The following L3MBTL4 variants were observed in gnomAD, a reference collection of about 807,000 sequenced individuals.
The protein encoded by L3MBTL4 is L3MBTL histone methyl-lysine binding protein 4.
Under a neutral mutation model 84.5 loss-of-function variants are expected in L3MBTL4, and 70 were observed. The observed-to-expected ratio is 0.83, with a 90% CI of 0.68 to 1.01. The LOEUF (loss-of-function observed/expected upper bound fraction) is 1.01. L3MBTL4 is among the 50% of genes least tolerant of loss of function. L3MBTL4 has a pLI of 0.00. For missense variants in L3MBTL4, 715 were observed against 754.8 expected (o/e 0.95, Z 0.62); for synonymous variants, 274 against 259.8 (o/e 1.05, Z -0.52).
chr18:6,386,674 G>A (rs1031806275), intron 1 of L3MBTL4, among the ~76,000 whole-genome samples: 1 of 152,284 alleles, frequency 6.6e-6, no homozygotes, highest in Non-Finnish European at 1.5e-5. Context: ...TCCCAGTAAG[G>A]AGAAGTGTAG....
At chr18:6,036,793 T>G (rs2056160774) in intron 16 of L3MBTL4, among the ~76,000 whole-genome samples, 1 of 152,178 alleles carries the variant, frequency 6.6e-6, no homozygotes, top group African/African-American at 2.4e-5. Flanking sequence ...GTTGTTTGAT[T>G]GTTGTAGGCT....
chr18:6,060,551 T>C (rs1481344310), intron 16 of L3MBTL4, among the ~76,000 whole-genome samples: 1 of 152,102 alleles, frequency 6.6e-6, no homozygotes, highest in African/African-American at 2.4e-5. Flanking sequence ...TGTGGTACAT[T>C]TCTCACAATT....
At chr18:6,021,486 A>G (rs1316867583) in intron 16 of L3MBTL4, among the ~76,000 whole-genome samples, 1 of 152,192 alleles carries the variant, frequency 6.6e-6, no homozygotes, top group African/African-American at 2.4e-5. Context: ...ACTCATTTTC[A>G]GACACAATCT....
At chr18:6,245,616 G>T (rs1348661873) in intron 5 of L3MBTL4, among the ~76,000 whole-genome samples, 3 of 146,026 alleles carry the variant, frequency 2.1e-5, no homozygotes, top group Non-Finnish European at 4.5e-5. Flanking sequence ...CTGAGACAAG[G>T]TCTCACTCTG....
chr18:5,975,803 G>A (rs555270754), intron 16 of L3MBTL4, among the ~76,000 whole-genome samples: 2 of 152,312 alleles, frequency 1.3e-5, no homozygotes, highest in East Asian at 3.9e-4. Context: ...CTGACAGCAG[G>A]CACTCAGCAC....
chr18:6,085,653 G>A (rs1049378992), intron 15 of L3MBTL4, among the ~76,000 whole-genome samples: 2 of 152,138 alleles, frequency 1.3e-5, no homozygotes, highest in African/African-American at 4.8e-5. Flanking sequence ...TGTGAAGAAG[G>A]TGCCTTGCTT....
intron 1 of L3MBTL4, among the ~76,000 whole-genome samples, chr18:6,337,915 A>T (rs981889446): frequency 2.4e-4 from 37 of 152,110 alleles, no homozygotes; most frequent in African/African-American, 8.7e-4. Context: ...GGAGAAGGGA[A>T]TACATTACTT....
chr18:6,296,831 G>T (rs2050127234), intron 4 of L3MBTL4, among the ~76,000 whole-genome samples: 2 of 152,158 alleles, frequency 1.3e-5, no homozygotes, highest in African/African-American at 2.4e-5. Flanking sequence ...TTTGAGAGAT[G>T]TCAAGAAGGA....
At chr18:6,253,462 G>A (rs892918113) in intron 5 of L3MBTL4, among the ~76,000 whole-genome samples, 1 of 152,180 alleles carries the variant, frequency 6.6e-6, no homozygotes, top group Admixed American at 6.6e-5. Flanking sequence ...GGGGGAAGTG[G>A]CCAGATTCAG....
At chr18:6,164,436 G>A (rs2043536553) in intron 13 of L3MBTL4, among the ~76,000 whole-genome samples, 1 of 152,188 alleles carries the variant, frequency 6.6e-6, no homozygotes, top group Non-Finnish European at 1.5e-5. Flanking sequence ...CCCCCGCTAG[G>A]GGCAGACTGA....
intron 10 of L3MBTL4, among the ~76,000 whole-genome samples, chr18:6,216,956 T>C (rs1400868551): frequency 6.6e-6 from 1 of 152,082 alleles, no homozygotes; most frequent in African/African-American, 2.4e-5. Flanking sequence ...AAAAACAGAG[T>C]ATATATGTAT....
intron 16 of L3MBTL4, among the ~76,000 whole-genome samples, chr18:6,062,925 C>T (rs572248622): frequency 6.3e-4 from 95 of 151,710 alleles, no homozygotes; most frequent in African/African-American, 2.2e-3. Context: ...TTAGTGCACC[C>T]GTCATCTAAG....
At chr18:6,304,556 A>G (rs1242762724) in intron 3 of L3MBTL4, among the ~76,000 whole-genome samples, 2 of 152,216 alleles carry the variant, frequency 1.3e-5, no homozygotes, top group African/African-American at 2.4e-5. Flanking sequence ...AGCAGATGCT[A>G]CTGCCAAAAG....
At chr18:6,108,666 C>A (rs1237298826) in intron 14 of L3MBTL4, among the ~76,000 whole-genome samples, 1 of 152,130 alleles carries the variant, frequency 6.6e-6, no homozygotes, top group South Asian at 2.1e-4. Context: ...AGCACTAGCT[C>A]AATGCCTGTC....
In L3MBTL4 at chr18:6,129,485, T is replaced by G. The variant is rs574211549; in HGVS notation, c.1199+8709A>C. ...TCATTTTTAAAAATTTGTATAACTT[T>G]TTGAGTTGAAAGTTGAATTAGTTCA... On this transcript the variant is annotated intron_variant, in intron 14 of 18. Coordinates refer to ENST00000317931, the MANE Select transcript of L3MBTL4 (RefSeq NM_001330559.2). Among the ~76,000 whole-genome samples, 4 of 152,166 alleles carry G rather than the reference T, an allele frequency of 2.6e-5. No individual in the cohort carries two copies. The South Asian group carries it at 8.3e-4, about 32-fold the overall frequency.
chr18:6,022,829 G>A (rs1341949604), intron 16 of L3MBTL4, among the ~76,000 whole-genome samples: 2 of 152,144 alleles, frequency 1.3e-5, no homozygotes, highest in African/African-American at 2.4e-5. Context: ...AAGTATCACT[G>A]AGCACATATT....
intron 14 of L3MBTL4, among the ~76,000 whole-genome samples, chr18:6,133,550 C>A (rs2059940291): frequency 6.6e-6 from 1 of 152,086 alleles, no homozygotes; most frequent in African/African-American, 2.4e-5. Context: ...TTTCCTCCTC[C>A]CCTCACAGAG....
intron 1 of L3MBTL4, among the ~76,000 whole-genome samples, chr18:6,313,198 T>C (rs2050921116): frequency 6.6e-6 from 1 of 152,198 alleles, no homozygotes; most frequent in Non-Finnish European, 1.5e-5. Context: ...GTCTAGATAT[T>C]ACCTGGCTCA....
At chr18:6,257,441 G>C (rs888280995) in intron 5 of L3MBTL4, among the ~76,000 whole-genome samples, 1 of 152,034 alleles carries the variant, frequency 6.6e-6, no homozygotes, top group Non-Finnish European at 1.5e-5. Context: ...GCGGAGGCTG[G>C]AGGTGGGAAA....
Sources: gnomAD v4.1 joint callset for allele counts (sites outside exome capture counted in the v4.1 genomes callset) on GRCh38, gnomAD v4.1.1 for gene constraint, MANE v1.5 for transcripts, NCBI Gene and HGNC (gene_info 2026-07-23, HGNC 2026-07-21) for gene names.